OPCML: variants seen among roughly 807,000 people sequenced by gnomAD.
OPCML encodes the protein opioid binding protein/cell adhesion molecule like.
In OPCML, 13 loss-of-function variants were observed where a neutral mutation model predicts 37.8. The ratio of observed to expected loss-of-function variants is 0.34; its 90% confidence interval spans 0.22 to 0.55. The LOEUF is 0.55. OPCML is among the 20% of genes least tolerant of loss of function. The probability of loss-of-function intolerance (pLI) is 0.91; values close to 1 mark genes in which losing one functional copy is unlikely to be tolerated. For missense variants in OPCML, 341 were observed against 435.6 expected (o/e 0.78, Z 1.93); for synonymous variants, 176 against 168.8 (o/e 1.04, Z -0.33).
chr11:133,009,178 T>C (rs1043780353), intron 1 of OPCML: 4 of 985,260 alleles, frequency 4.1e-6, no homozygotes, highest in African/African-American at 1.7e-5. Context: ...TCAAGAAAAA[T>C]ACACATTGTC....
intron 1 of OPCML, chr11:133,008,878 A>G: frequency 2.0e-6 from 2 of 985,356 alleles, no homozygotes; most frequent in Non-Finnish European, 2.4e-6. Context: ...GCCCAACCTA[A>G]TATATCTGGT....
intron 1 of OPCML, among the ~76,000 whole-genome samples, chr11:133,480,609 C>T (rs1481289129): frequency 6.6e-6 from 1 of 152,218 alleles, no homozygotes; most frequent in Non-Finnish European, 1.5e-5. Flanking sequence ...CCATTCTCTA[C>T]CAGGTCTGGA....
intron 2 of OPCML, among the ~76,000 whole-genome samples, chr11:132,749,535 G>A (rs555512090): frequency 6.6e-6 from 1 of 152,254 alleles, no homozygotes; most frequent in South Asian, 2.1e-4. Flanking sequence ...AAACAGAGAT[G>A]TCATGTAGGC....
intron 1 of OPCML, among the ~76,000 whole-genome samples, chr11:133,160,521 T>C (rs1233820478): frequency 6.6e-6 from 1 of 152,250 alleles, no homozygotes; most frequent in East Asian, 1.9e-4. Flanking sequence ...ATGACTTGTC[T>C]CATCAATGTT....
chr11:133,191,576 G>GCAATT, intron 1 of OPCML, among the ~76,000 whole-genome samples: 1 of 151,314 alleles, frequency 6.6e-6, no homozygotes, highest in Non-Finnish European at 1.5e-5. Flanking sequence ...GGAGTACAAA[G>GCAATT]GCGTGATCTT....
At chr11:132,565,895 T>C (rs181411127) in intron 3 of OPCML, among the ~76,000 whole-genome samples, 1,740 of 152,256 alleles carry the variant, frequency 0.011, 31 homozygotes, top group African/African-American at 0.039. Flanking sequence ...TAGCCAAGCA[T>C]GGTGGCGGGC....
At chr11:132,709,141 C>T (rs1231110607) in intron 2 of OPCML, among the ~76,000 whole-genome samples, 2 of 152,190 alleles carry the variant, frequency 1.3e-5, no homozygotes, top group Admixed American at 6.5e-5. Context: ...GCAGATAACC[C>T]GGTGCCTCCA....
chr11:132,573,992 C>T (rs1158295463), intron 3 of OPCML, among the ~76,000 whole-genome samples: 1 of 151,872 alleles, frequency 6.6e-6, no homozygotes, highest in African/African-American at 2.4e-5. Flanking sequence ...TTTCCTCTAG[C>T]TTATCCGATT....
At chr11:132,603,975 T>C (rs1207586678) in intron 3 of OPCML, among the ~76,000 whole-genome samples, 1 of 152,182 alleles carries the variant, frequency 6.6e-6, no homozygotes, top group Non-Finnish European at 1.5e-5. Flanking sequence ...TCAGTGAACT[T>C]GCAAGGGGAT....
intron 1 of OPCML, among the ~76,000 whole-genome samples, chr11:133,139,816 A>C (rs1949741202): frequency 1.3e-5 from 2 of 152,156 alleles, no homozygotes; most frequent in Non-Finnish European, 2.9e-5. Context: ...TCCCCTCACA[A>C]ATGGAAATAA....
At chr11:133,504,493 T>A (rs186292692) in intron 1 of OPCML, among the ~76,000 whole-genome samples, 1 of 152,186 alleles carries the variant, frequency 6.6e-6, no homozygotes, top group Non-Finnish European at 1.5e-5. Context: ...AGGACAGAGA[T>A]GGATACAGAA....
intron 1 of OPCML, among the ~76,000 whole-genome samples, chr11:133,138,925 T>C (rs1949730723): frequency 6.6e-6 from 1 of 152,222 alleles, no homozygotes; most frequent in Non-Finnish European, 1.5e-5. Flanking sequence ...AAGAGGGTCT[T>C]TCATTGACAT....
chr11:133,238,002 TA>T (rs1940587395), intron 1 of OPCML, among the ~76,000 whole-genome samples: 1 of 152,264 alleles, frequency 6.6e-6, no homozygotes, highest in Non-Finnish European at 1.5e-5. Context: ...TTAATTCTTA[TA>T]AAACTGTGAC....
chr11:132,716,270 C>T (rs903361273), intron 2 of OPCML, among the ~76,000 whole-genome samples: 10 of 152,260 alleles, frequency 6.6e-5, no homozygotes, highest in East Asian at 5.8e-4. Flanking sequence ...GGCTCAGAAG[C>T]GCTATCCAGG....
intron 4 of OPCML, among the ~76,000 whole-genome samples, chr11:132,462,475 T>C (rs576999744): frequency 6.6e-6 from 1 of 152,286 alleles, no homozygotes; most frequent in South Asian, 2.1e-4. Flanking sequence ...TCCAGCAACA[T>C]TGACATGAAC....
chr11:132,931,295 A>C (rs1605327), intron 2 of OPCML, among the ~76,000 whole-genome samples: 41,251 of 152,098 alleles, frequency 0.27, 6,370 homozygotes, highest in Non-Finnish European at 0.36. Flanking sequence ...CAGACGACAA[A>C]AGGAAAAAAC....
chr11:132,780,325 T>G (rs1281328432), intron 2 of OPCML, among the ~76,000 whole-genome samples: 4 of 152,190 alleles, frequency 2.6e-5, no homozygotes, highest in African/African-American at 9.7e-5. Context: ...GTGAGTCGCA[T>G]CAGTAGTGCC....
chr11:132,973,017 A>C (rs1487806879), intron 1 of OPCML, among the ~76,000 whole-genome samples: 1 of 152,208 alleles, frequency 6.6e-6, no homozygotes, highest in Non-Finnish European at 1.5e-5. Flanking sequence ...CTGAGCCTCC[A>C]GCTATCTCCC....
chr11:132,520,140 G>C (rs755562185), intron 4 of OPCML, among the ~76,000 whole-genome samples: 3 of 152,210 alleles, frequency 2.0e-5, no homozygotes, highest in Non-Finnish European at 4.4e-5. Context: ...GGCAAGGCAA[G>C]AGTATGGGTG....
Sources: gnomAD v4.1 joint callset for allele counts (sites outside exome capture counted in the v4.1 genomes callset) on GRCh38, gnomAD v4.1.1 for gene constraint, MANE v1.5 for transcripts, NCBI Gene and HGNC (gene_info 2026-07-23, HGNC 2026-07-21) for gene names.